The following KSR2 variants were observed in gnomAD, a reference collection of about 807,000 sequenced individuals.
KSR2 encodes the protein kinase suppressor of ras 2.
Under a neutral mutation model 107.8 loss-of-function variants are expected in KSR2, and 25 were observed. The observed-to-expected ratio is 0.23, with a 90% confidence interval of 0.17 to 0.32. The LOEUF (loss-of-function observed/expected upper bound fraction) is 0.32. Ranked by LOEUF, KSR2 falls within the 10% of genes least tolerant of loss-of-function variation. The pLI, the probability that KSR2 is intolerant of heterozygous loss-of-function variation, is 1.00. For missense variants in KSR2, 887 were observed against 1,268.9 expected, an observed-to-expected ratio of 0.70 and a Z score of 4.57; for synonymous variants, 480 against 507.0, an observed-to-expected ratio of 0.95 and a Z score of 0.71.
At chr12:117,561,454 C>A (rs1172897122) in intron 7 of KSR2, among the ~76,000 whole-genome samples, 1 of 152,140 alleles carries the variant, frequency 6.6e-6, no homozygotes, top group Non-Finnish European at 1.5e-5. Context: ...TATTGTTAGT[C>A]CCATTTTACA....
intron 1 of KSR2, among the ~76,000 whole-genome samples, chr12:117,908,397 T>G (rs1894917452): frequency 1.3e-5 from 2 of 152,060 alleles, no homozygotes; most frequent in Non-Finnish European, 2.9e-5. Context: ...ACCCCCACCT[T>G]CACCTTTAAG....
chr12:117,667,786 A>T (rs1884729240), intron 4 of KSR2, 128 bp from the exon 5 acceptor site: 1 of 753,992 alleles, frequency 1.3e-6, no homozygotes, highest in African/African-American at 1.8e-5. Context: ...AGAAGAGCCC[A>T]CAGGCTTTTA....
rs561207066 is a variant in KSR2 at position 117,954,338 on chromosome 12, G to C, written c.180+13738C>G. ...CTTAAGACAAGTCTAGAAGTTGCAA[G>C]GCCCAACCCCATACTTTGTTATCCA... On this transcript the variant is annotated intron_variant, in intron 1 of 19. Transcript: ENST00000339824. 2.6e-5 allele frequency among the ~76,000 whole-genome samples: 4 copies of C among 152,300 alleles called. No individual in the cohort carries two copies. The South Asian group carries it at 8.3e-4, about 32-fold the overall frequency.
At chr12:117,502,632 A>C (rs1286924886) in intron 14 of KSR2, among the ~76,000 whole-genome samples, 1 of 152,122 alleles carries the variant, frequency 6.6e-6, no homozygotes, top group Non-Finnish European at 1.5e-5. Flanking sequence ...AACTATTGAC[A>C]CTGTGTATGC....
At chr12:117,784,320 G>A (rs1054697484) in intron 3 of KSR2, among the ~76,000 whole-genome samples, 8 of 152,132 alleles carry the variant, frequency 5.3e-5, no homozygotes, top group African/African-American at 1.9e-4. Flanking sequence ...TTATAAATGG[G>A]AGTTCCCCTG....
intron 7 of KSR2, among the ~76,000 whole-genome samples, chr12:117,573,805 A>T (rs1336321853): frequency 6.6e-6 from 1 of 152,090 alleles, no homozygotes; most frequent in African/African-American, 2.4e-5. Flanking sequence ...CTGGGATTAC[A>T]GGCATGAGCC....
chr12:117,718,538 C>T (rs1393751597), intron 4 of KSR2, among the ~76,000 whole-genome samples: 1 of 152,182 alleles, frequency 6.6e-6, no homozygotes, highest in African/African-American at 2.4e-5. Context: ...GTCCTTGTCA[C>T]CTCCTCAGGC....
chr12:117,550,458 CA>C (rs762659460), intron 9 of KSR2, among the ~76,000 whole-genome samples: 34 of 152,318 alleles, frequency 2.2e-4, no homozygotes, highest in Non-Finnish European at 2.8e-4. Context: ...CTGTCCTAAA[CA>C]GACACACTTG....
At chr12:117,808,053 C>T (rs1891070947) in intron 3 of KSR2, among the ~76,000 whole-genome samples, 2 of 152,160 alleles carry the variant, frequency 1.3e-5, no homozygotes, top group South Asian at 4.1e-4. Flanking sequence ...GATAAAGTTC[C>T]AGGCTTTATG....
chr12:117,614,286 CT>C (rs1176698455), intron 5 of KSR2, among the ~76,000 whole-genome samples: 1 of 151,998 alleles, frequency 6.6e-6, no homozygotes, highest in African/African-American at 2.4e-5. Flanking sequence ...AGAATGTGAC[CT>C]TTTTACTTTA....
intron 3 of KSR2, among the ~76,000 whole-genome samples, chr12:117,820,043 A>G (rs886345141): frequency 2.6e-5 from 4 of 152,250 alleles, no homozygotes; most frequent in African/African-American, 9.6e-5. Context: ...GAGCAAGATT[A>G]TGGGTGATTT....
chr12:117,699,802 C>T (rs569176677), intron 4 of KSR2, among the ~76,000 whole-genome samples: 1 of 152,220 alleles, frequency 6.6e-6, no homozygotes, highest in South Asian at 2.1e-4. Flanking sequence ...AAAAACAAAG[C>T]AACTACACTG....
chr12:117,525,905 T>C (rs1229096230), intron 13 of KSR2, among the ~76,000 whole-genome samples: 1 of 152,158 alleles, frequency 6.6e-6, no homozygotes, highest in African/African-American at 2.4e-5. Flanking sequence ...CAGAATGGGC[T>C]TAACAATCAG....
chr12:117,548,722 G>T (rs997004604), intron 9 of KSR2, among the ~76,000 whole-genome samples: 1 of 152,156 alleles, frequency 6.6e-6, no homozygotes, highest in Non-Finnish European at 1.5e-5. Flanking sequence ...CTTCCTGGAA[G>T]CAGAGTAACT....
chr12:117,893,543 C>G (rs1894411794), intron 1 of KSR2, among the ~76,000 whole-genome samples: 1 of 152,160 alleles, frequency 6.6e-6, no homozygotes, highest in South Asian at 2.1e-4. Flanking sequence ...GACTCACCAC[C>G]CACTACCTGT....
intron 4 of KSR2, among the ~76,000 whole-genome samples, chr12:117,691,112 C>G (rs1041568702): frequency 3.3e-5 from 5 of 152,150 alleles, no homozygotes; most frequent in African/African-American, 1.2e-4. Context: ...AAGTGACTTT[C>G]AAAAGAATCT....
At chr12:117,937,971 G>GAAAAA (rs771959105) in intron 1 of KSR2, among the ~76,000 whole-genome samples, 4 of 53,940 alleles carry the variant, frequency 7.4e-5, no homozygotes, top group South Asian at 6.3e-4. Context: ...TCTGTCTCAA[G>GAAAAA]AAAAAAAAAA....
intron 3 of KSR2, among the ~76,000 whole-genome samples, chr12:117,845,759 C>T (rs1414363026): frequency 2.0e-5 from 3 of 151,806 alleles, no homozygotes; most frequent in Admixed American, 1.3e-4. Flanking sequence ...CGGCTCACTA[C>T]AGCCTTGACC....
intron 3 of KSR2, among the ~76,000 whole-genome samples, chr12:117,794,357 A>G (rs1593245053): frequency 9.4e-6 from 1 of 106,876 alleles, no homozygotes. Context: ...CAACAGGCAC[A>G]CACACCAACA....
Sources: allele counts gnomAD v4.1 joint callset (sites outside exome capture counted in the v4.1 genomes callset), GRCh38; gene constraint gnomAD v4.1.1; transcripts MANE v1.5; gene names NCBI Gene and HGNC (gene_info 2026-07-23, HGNC 2026-07-21).